The following PDZRN4 variants were observed in gnomAD, a reference collection of about 807,000 sequenced individuals.
PDZRN4 encodes the protein PDZ domain-containing RING finger protein 4.
PDZRN4 carries 70 observed loss-of-function variants against 99.0 expected under a neutral mutation model. That is an observed-to-expected ratio of 0.71 (90% CI 0.58 to 0.86). The LOEUF (loss-of-function observed/expected upper bound fraction) is 0.86, where lower values mean the gene tolerates loss of function less well. Ranked by LOEUF, PDZRN4 falls within the 40% of genes least tolerant of loss-of-function variation. The pLI, the probability that PDZRN4 is intolerant of heterozygous loss-of-function variation, is 0.00. For synonymous variants in PDZRN4, 551 were observed against 501.6 expected (o/e 1.10, Z -1.32); for missense variants, 1,474 against 1,331.2 (o/e 1.11, Z -1.67).
At chr12:41,319,692 A>G (rs1951661794) in intron 3 of PDZRN4, among the ~76,000 whole-genome samples, 1 of 152,156 alleles carries the variant, frequency 6.6e-6, no homozygotes, top group Admixed American at 6.5e-5. Flanking sequence ...TCTTCCCCAG[A>G]TAGGACACCT....
intron 3 of PDZRN4, among the ~76,000 whole-genome samples, chr12:41,305,738 T>C (rs903351549): frequency 6.6e-6 from 1 of 152,202 alleles, no homozygotes; most frequent in African/African-American, 2.4e-5. Flanking sequence ...GACATGAGCA[T>C]TGAACCAATA....
chr12:41,443,392 C>T (rs1035431545), intron 3 of PDZRN4, among the ~76,000 whole-genome samples: 4 of 152,070 alleles, frequency 2.6e-5, no homozygotes, highest in Admixed American at 6.6e-5. Flanking sequence ...GAGTTGGAAA[C>T]TATAAGCAAT....
chr12:41,441,644 T>G (rs1348984568), intron 3 of PDZRN4, among the ~76,000 whole-genome samples: 1 of 152,204 alleles, frequency 6.6e-6, no homozygotes, highest in Non-Finnish European at 1.5e-5. Flanking sequence ...AGAATGTTTC[T>G]TGGATCTCAT....
intron 3 of PDZRN4, among the ~76,000 whole-genome samples, chr12:41,398,952 G>A (rs901076030): frequency 2.6e-5 from 4 of 152,018 alleles, no homozygotes; most frequent in Non-Finnish European, 5.9e-5. Flanking sequence ...CATCTCATCT[G>A]TACAAATTCA....
chr12:41,572,508 C>G lies in PDZRN4; in HGVS notation c.1729C>G (p.Pro577Ala). 6.2e-7 allele frequency: 1 copy of G among 1,614,004 alleles called. No individual in the cohort carries two copies. Residue 577 changes from proline to alanine, a missense_variant, in exon 10 of 10, where the codon CCC becomes GCC. Pro to Ala is a conservative substitution (Grantham distance 27). Transcript: ENST00000402685. Reference protein sequence around the residue: ...SSEQENAAEDPNSTSLKSKRD... With the variant: ...SSEQENAAEDANSTSLKSKRD... ...AGAGCAGGAGAATGCAGCCGAGGAC[C>G]CCAATAGCACATCTTTGAAGAGCAA...
Position 41,572,505 on chromosome 12 carries a change from G to A in PDZRN4, c.1726G>A (p.Asp576Asn), listed in dbSNP as rs146342073. The A allele has an allele frequency of 5.0e-4, 803 of 1,613,972 alleles. No homozygotes were observed. The highest frequency in any genetic ancestry group is 6.5e-4 in the Non-Finnish European group (772 of 1,180,016). The change falls in exon 10 of 10, where the codon GAC (aspartate) becomes AAC (asparagine). Residue 576 changes from aspartate to asparagine, a missense_variant. Transcript: ENST00000402685. ...CTCAGAGCAGGAGAATGCAGCCGAGGACCCCAATAGCACATCTTTGAAGAG... is the reference window on the plus strand; with the variant it reads ...CTCAGAGCAGGAGAATGCAGCCGAGAACCCCAATAGCACATCTTTGAAGAG... The part of the protein sequence containing the change: ...ESSEQENAAE[D>N]PNSTSLKSKR...
At chr12:41,328,286 A>G (rs576834792) in intron 3 of PDZRN4, among the ~76,000 whole-genome samples, 1 of 152,272 alleles carries the variant, frequency 6.6e-6, no homozygotes, top group East Asian at 1.9e-4. Flanking sequence ...GTGTCCAGAA[A>G]AATATACTGT....
chr12:41,236,347 A>T (rs901013113), intron 3 of PDZRN4, among the ~76,000 whole-genome samples: 4 of 152,072 alleles, frequency 2.6e-5, no homozygotes, highest in African/African-American at 9.7e-5. Flanking sequence ...AATTGGGGGC[A>T]GGGTGCTTCA....
At chr12:41,563,709 G>T in intron 8 of PDZRN4, 60 bp downstream of exon 8, 4 of 1,055,060 alleles carry the variant, frequency 3.8e-6, no homozygotes, top group Middle Eastern at 2.0e-4. Flanking sequence ...TTCACTGAAT[G>T]TAAATTCGTG....
At chr12:41,428,676 G>A (rs190441494) in intron 3 of PDZRN4, among the ~76,000 whole-genome samples, 38 of 152,292 alleles carry the variant, frequency 2.5e-4, no homozygotes, top group Admixed American at 1.5e-3. Flanking sequence ...AAGAGTGAGA[G>A]GAGTTGCGAC....
At chr12:41,357,071 C>T (rs1166291465) in intron 3 of PDZRN4, among the ~76,000 whole-genome samples, 1 of 151,846 alleles carries the variant, frequency 6.6e-6, no homozygotes, top group African/African-American at 2.4e-5. Flanking sequence ...AAAAACAGAA[C>T]TCTAAAAGGG....
At chr12:41,194,375 C>T (rs1365256869) in intron 3 of PDZRN4, among the ~76,000 whole-genome samples, 187 bp downstream of exon 3, 5 of 152,166 alleles carry the variant, frequency 3.3e-5, no homozygotes, top group African/African-American at 9.7e-5. Flanking sequence ...TGGCTCATGC[C>T]TATAATCCCA....
chr12:41,460,983 C>A (rs1310844971), intron 3 of PDZRN4, among the ~76,000 whole-genome samples: 1 of 152,156 alleles, frequency 6.6e-6, no homozygotes, highest in African/African-American at 2.4e-5. Context: ...ACTGCTGTGG[C>A]TGTCCTCAGA....
intron 3 of PDZRN4, among the ~76,000 whole-genome samples, chr12:41,492,251 A>T (rs946586340): frequency 6.6e-6 from 1 of 152,186 alleles, no homozygotes; most frequent in Non-Finnish European, 1.5e-5. Context: ...TATTTCTTTT[A>T]TATGTAAAAC....
chr12:41,303,660 C>T (rs1248185052), intron 3 of PDZRN4, among the ~76,000 whole-genome samples: 2 of 152,138 alleles, frequency 1.3e-5, no homozygotes, highest in Non-Finnish European at 2.9e-5. Flanking sequence ...GAAAATAATG[C>T]CAATACTGTC....
At chr12:41,455,130 C>T (rs910200725) in intron 3 of PDZRN4, among the ~76,000 whole-genome samples, 1 of 152,126 alleles carries the variant, frequency 6.6e-6, no homozygotes, top group Non-Finnish European at 1.5e-5. Context: ...ATATTCTATC[C>T]TAACATTTAA....
chr12:41,297,451 G>A (rs1269736496), intron 3 of PDZRN4, among the ~76,000 whole-genome samples: 3 of 152,122 alleles, frequency 2.0e-5, no homozygotes, highest in Non-Finnish European at 2.9e-5. Flanking sequence ...GTGTCCACAG[G>A]AGTGCTTTCA....
chr12:41,276,227 A>T (rs1206036784), intron 3 of PDZRN4, among the ~76,000 whole-genome samples: 2 of 152,186 alleles, frequency 1.3e-5, no homozygotes, highest in African/African-American at 4.8e-5. Flanking sequence ...TATTTGTGGT[A>T]TTAAAATTTC....
chr12:41,536,251 G>A lies in PDZRN4; in HGVS notation c.1204-16405G>A, dbSNP rs941610599. 5.3e-5 allele frequency among the ~76,000 whole-genome samples: 8 copies of A among 152,270 alleles called. No individual in the cohort carries two copies. The East Asian group carries it at 1.3e-3, about 26-fold the overall frequency. On this transcript the variant is annotated intron_variant, in intron 5 of 9. Transcript: ENST00000402685. ...CCTCTAGACAATGGAATATCATTCA[G>A]TGCTGAAAGAAATAAGCTGTCAAGC... is the stretch of plus-strand genomic sequence containing the variant.
Sources: gnomAD v4.1 joint callset for allele counts (sites outside exome capture counted in the v4.1 genomes callset) on GRCh38, gnomAD v4.1.1 for gene constraint, MANE v1.5 for transcripts, NCBI Gene and HGNC (gene_info 2026-07-23, HGNC 2026-07-21) for gene names.